PARD3B: variants seen among roughly 807,000 people sequenced by gnomAD.
PARD3B encodes par-3 family cell polarity regulator beta, also known as partitioning defective 3 homolog B.
Under a neutral mutation model 130.2 loss-of-function variants are expected in PARD3B, and 103 were observed. The ratio of observed to expected loss-of-function variants is 0.79; its 90% CI spans 0.67 to 0.93. PARD3B has a LOEUF of 0.93. Among genes scored for constraint, PARD3B ranks in the 40% least tolerant of loss-of-function variants. The pLI, the probability that PARD3B is intolerant of heterozygous loss-of-function variation, is 0.00. For missense variants in PARD3B, 1,609 were observed against 1,499.2 expected (o/e 1.07, Z -1.21); for synonymous variants, 583 against 553.2 (o/e 1.05, Z -0.76).
At chr2:205,139,107 G>A (rs1263147128) in intron 10 of PARD3B, among the ~76,000 whole-genome samples, 1 of 152,144 alleles carries the variant, frequency 6.6e-6, no homozygotes, top group African/African-American at 2.4e-5. Context: ...TTACTAGTAT[G>A]TTTTGGAGAT....
At chr2:205,347,341 G>A (rs1225656111) in intron 18 of PARD3B, among the ~76,000 whole-genome samples, 1 of 152,096 alleles carries the variant, frequency 6.6e-6, no homozygotes, top group Non-Finnish European at 1.5e-5. Flanking sequence ...AAAACTTTGA[G>A]TAAAATAACC....
At chr2:205,256,814 A>G (rs1430049341) in intron 16 of PARD3B, among the ~76,000 whole-genome samples, 1 of 152,020 alleles carries the variant, frequency 6.6e-6, no homozygotes, top group Non-Finnish European at 1.5e-5. Context: ...CCGGAGTCAT[A>G]CTGGAAACCT....
chr2:205,169,459 A>AT (rs1280205019), intron 11 of PARD3B, among the ~76,000 whole-genome samples: 5 of 152,196 alleles, frequency 3.3e-5, no homozygotes, highest in Admixed American at 1.3e-4. Context: ...CTGTTGATAG[A>AT]TTTTACCAAA....
intron 2 of PARD3B, among the ~76,000 whole-genome samples, chr2:204,854,864 G>A (rs1164347376): frequency 6.6e-6 from 1 of 152,150 alleles, no homozygotes; most frequent in African/African-American, 2.4e-5. Flanking sequence ...CACACAAGGA[G>A]TTTAGGAACG....
chr2:204,897,383 C>CTTT (rs1377647115), intron 2 of PARD3B, among the ~76,000 whole-genome samples: 2 of 37,514 alleles, frequency 5.3e-5, no homozygotes, highest in African/African-American at 3.1e-4. Flanking sequence ...CCTGTAGGTA[C>CTTT]TGTTTTTTTT....
intron 1 of PARD3B, among the ~76,000 whole-genome samples, chr2:204,645,319 T>C (rs1394663284): frequency 6.6e-6 from 1 of 152,172 alleles, no homozygotes; most frequent in African/African-American, 2.4e-5. Flanking sequence ...ATAAAGTGTG[T>C]CCATTGACAG....
intron 2 of PARD3B, among the ~76,000 whole-genome samples, chr2:204,750,627 T>TACATACAC (rs2040426922): frequency 7.2e-6 from 1 of 138,866 alleles, no homozygotes; most frequent in Non-Finnish European, 1.5e-5. Flanking sequence ...CATACATACA[T>TACATACAC]ACATACACAC....
At chr2:204,722,900 T>A (rs1391910796) in intron 2 of PARD3B, among the ~76,000 whole-genome samples, 3 of 152,138 alleles carry the variant, frequency 2.0e-5, no homozygotes, top group Non-Finnish European at 4.4e-5. Flanking sequence ...TTCCCTCTGC[T>A]GAAAATGGTG....
chr2:205,583,041 A>G (rs2054051089), intron 22 of PARD3B, among the ~76,000 whole-genome samples: 1 of 152,232 alleles, frequency 6.6e-6, no homozygotes, highest in African/African-American at 2.4e-5. Flanking sequence ...AATTGTTACA[A>G]AAGTGTATGG....
chr2:204,603,779 A>G (rs1239862053), intron 1 of PARD3B, among the ~76,000 whole-genome samples: 1 of 152,178 alleles, frequency 6.6e-6, no homozygotes, highest in African/African-American at 2.4e-5. Context: ...CATTGGAAGA[A>G]TGCTTCAAAG....
At chr2:204,857,779 T>C (rs191519364) in intron 2 of PARD3B, among the ~76,000 whole-genome samples, 354 of 152,242 alleles carry the variant, frequency 2.3e-3, no homozygotes, top group Non-Finnish European at 3.4e-3. Flanking sequence ...TCCTCGATTT[T>C]ATAGCCTGCT....
chr2:205,140,690 A>G (rs2032878951), intron 10 of PARD3B, among the ~76,000 whole-genome samples: 1 of 152,106 alleles, frequency 6.6e-6, no homozygotes, highest in African/African-American at 2.4e-5. Flanking sequence ...GACAAAGTAC[A>G]ATGTGTACTG....
At chr2:205,380,170 T>TATATAATATGTAAAGAATATA (rs1252976873) in intron 18 of PARD3B, among the ~76,000 whole-genome samples, 3,541 of 89,034 alleles carry the variant, frequency 0.04, 310 homozygotes, top group Non-Finnish European at 0.044. Flanking sequence ...GAATATATAT[T>TATATAATATGTAAAGAATATA]ATATAATATG....
intron 15 of PARD3B, among the ~76,000 whole-genome samples, chr2:205,206,765 A>G (rs1238466711): frequency 2.6e-5 from 4 of 152,082 alleles, no homozygotes; most frequent in Admixed American, 6.6e-5. Context: ...TGGTATAATA[A>G]TGGGAGACTT....
chr2:205,121,560 G>A lies in PARD3B; in HGVS notation c.807-31G>A. On this transcript the variant is annotated intron_variant, in intron 7 of 22. Coordinates refer to ENST00000406610, the MANE Select transcript of PARD3B (RefSeq NM_001302769.2). This position sits in a 1 kb window ranked among gnomAD's most constrained non-coding sequence, Gnocchi z 5.0. Reference sequence around the variant, plus strand: ...AGAAGATGCTGCACCTCAAAGCAGGGTCATCATACATTTATCAACTTTCTT... The same window carrying A: ...AGAAGATGCTGCACCTCAAAGCAGGATCATCATACATTTATCAACTTTCTT... The A allele has an allele frequency of 6.3e-7, 1 of 1,587,576 alleles. No individual in the cohort carries two copies. The highest frequency in any genetic ancestry group is 1.1e-5 in the South Asian group (1 of 88,848).
chr2:205,580,376 A>T (rs781315295), intron 22 of PARD3B, among the ~76,000 whole-genome samples: 4 of 152,164 alleles, frequency 2.6e-5, no homozygotes, highest in Non-Finnish European at 4.4e-5. Context: ...TGCTTATAAT[A>T]AAACGGGCTT....
chr2:205,047,550 T>C (rs1698884266), intron 3 of PARD3B, 31 bp from the exon 4 acceptor site: 1 of 1,465,692 alleles, frequency 6.8e-7, no homozygotes, highest in South Asian at 1.2e-5. Context: ...CAGGGTTCTT[T>C]TGACCTCTCA....
chr2:205,420,341 T>C (rs571110485), intron 19 of PARD3B, among the ~76,000 whole-genome samples: 4 of 152,332 alleles, frequency 2.6e-5, no homozygotes, highest in African/African-American at 9.6e-5. Flanking sequence ...TTAGTAGTAT[T>C]AGGTCATTTA....
At chr2:205,383,121 T>C (rs562247307) in intron 18 of PARD3B, among the ~76,000 whole-genome samples, 1 of 150,862 alleles carries the variant, frequency 6.6e-6, no homozygotes, top group African/African-American at 2.4e-5. Flanking sequence ...GATAGATAGA[T>C]AGATAGATAG....
Sources: allele counts gnomAD v4.1 joint callset (sites outside exome capture counted in the v4.1 genomes callset), GRCh38; gene constraint gnomAD v4.1.1; non-coding constraint Gnocchi (gnomAD v3.1); transcripts MANE v1.5; gene names NCBI Gene and HGNC (gene_info 2026-07-23, HGNC 2026-07-21).